Variants in RALGAPA1 observed in about 807,000 individuals in gnomAD.
The protein encoded by RALGAPA1 is ral GTPase-activating protein subunit alpha-1.
Under a neutral mutation model 269.6 loss-of-function variants are expected in RALGAPA1, and 52 were observed. The ratio of observed to expected loss-of-function variants is 0.19; its 90% CI spans 0.15 to 0.24. RALGAPA1 has a LOEUF of 0.24. Among genes scored for constraint, RALGAPA1 ranks in the 10% least tolerant of loss-of-function variants. The probability of loss-of-function intolerance (pLI) is 1.00; values close to 1 mark genes in which losing one functional copy is unlikely to be tolerated. For synonymous variants in RALGAPA1, 817 were observed against 1,008.3 expected, an observed-to-expected ratio of 0.81 and a Z score of 3.60; for missense variants, 1,917 against 3,013.9, an observed-to-expected ratio of 0.64 and a Z score of 8.52.
intron 22 of RALGAPA1, chr14:35,677,168 C>G (rs1470556498): frequency 6.6e-6 from 1 of 152,234 alleles, no homozygotes; most frequent in Non-Finnish European, 1.5e-5. Flanking sequence ...AACCTCACCT[C>G]TACAGTTAGT....
intron 14 of RALGAPA1, among the ~76,000 whole-genome samples, chr14:35,724,369 T>C (rs925618896): frequency 1.3e-5 from 2 of 152,172 alleles, no homozygotes; most frequent in African/African-American, 4.8e-5. Flanking sequence ...AGACAGCTTT[T>C]ACCCTTGACA....
At chr14:35,763,042 GAATAA>G (rs2073858734) in intron 4 of RALGAPA1, among the ~76,000 whole-genome samples, 2 of 152,082 alleles carry the variant, frequency 1.3e-5, no homozygotes, top group African/African-American at 2.4e-5. Context: ...TTTAGACTAA[GAATAA>G]AATAAAATAC....
At chr14:35,566,039 A>T (rs1421009750) in intron 39 of RALGAPA1, among the ~76,000 whole-genome samples, 2 of 152,128 alleles carry the variant, frequency 1.3e-5, no homozygotes, top group East Asian at 3.8e-4. Context: ...CAATGGTTAC[A>T]CAGAATCTGC....
At chr14:35,770,887 T>C (rs2074560151) in intron 4 of RALGAPA1, 55 bp downstream of exon 4, 1 of 653,140 alleles carries the variant, frequency 1.5e-6, no homozygotes, top group Non-Finnish European at 2.5e-6. Flanking sequence ...TTAAAGAACA[T>C]TTTTCATATA....
chr14:35,730,889 G>A (rs2070410320), intron 12 of RALGAPA1, among the ~76,000 whole-genome samples: 1 of 152,184 alleles, frequency 6.6e-6, no homozygotes, highest in African/African-American at 2.4e-5. Flanking sequence ...CACAGCTGAT[G>A]CTCTCTGGAA....
rs2077551724 is a variant in RALGAPA1 at position 35,808,711 on chromosome 14, G to GCCACCCCTCGCT, written c.106+7_106+18dup. On this transcript the variant is annotated intron_variant, in intron 1 of 41. Transcript: ENST00000680220. ...GCCGGGCAACCCAGGCCTCGGCGCTGCCACCCCTCGCTCCTCACCGATGAC... is the reference window on the plus strand; with the variant it reads ...GCCGGGCAACCCAGGCCTCGGCGCTGCCACCCCTCGCTCCACCCCTCGCTCCTCACCGATGAC... The GCCACCCCTCGCT allele has an allele frequency of 6.2e-7, 1 of 1,604,974 alleles. No individual in the cohort carries two copies. Among genetic ancestry groups the GCCACCCCTCGCT allele is most frequent in the African/African-American group, 1.3e-5 (1 of 74,798 alleles).
At chr14:35,671,358 G>A (rs370039850) in intron 26 of RALGAPA1, 31 bp downstream of exon 26, 19 of 1,541,920 alleles carry the variant, frequency 1.2e-5, no homozygotes, top group Non-Finnish European at 1.6e-5. Context: ...GCTAAAGTTT[G>A]TTATATGATA....
chr14:35,624,065 C>T (rs1395409819), intron 35 of RALGAPA1, among the ~76,000 whole-genome samples: 1 of 143,340 alleles, frequency 7.0e-6, no homozygotes, highest in Non-Finnish European at 1.5e-5. Flanking sequence ...CCAGCCTGAG[C>T]GACACAGCAA....
At chr14:35,806,699 C>T (rs759763233) in intron 1 of RALGAPA1, among the ~76,000 whole-genome samples, 6 of 152,168 alleles carry the variant, frequency 3.9e-5, no homozygotes, top group Non-Finnish European at 7.3e-5. Flanking sequence ...AATCAAAAGC[C>T]TGTGTAACTG....
rs985438147 is a variant in RALGAPA1 at position 35,703,073 on chromosome 14, T to G, written c.2267-2771A>C. ...AAATAACAACTCCTTTTTTTCTTTCTTTCCCAACACAGACTTGAAGGAAGA... is the reference window on the plus strand; with the variant it reads ...AAATAACAACTCCTTTTTTTCTTTCGTTCCCAACACAGACTTGAAGGAAGA... On this transcript the variant is annotated intron_variant, in intron 16 of 41. Transcript: ENST00000680220. 2.0e-5 allele frequency among the ~76,000 whole-genome samples: 3 copies of G among 152,364 alleles called. No homozygotes were observed. The South Asian group carries it at 6.2e-4, about 32-fold the overall frequency.
intron 41 of RALGAPA1, among the ~76,000 whole-genome samples, chr14:35,547,583 C>T (rs80304562): frequency 1.4e-3 from 208 of 152,142 alleles, no homozygotes; most frequent in African/African-American, 4.7e-3. Context: ...GACATTTTAT[C>T]GGACATTCTC....
Position 35,808,633 on chromosome 14 carries a change from G to C in RALGAPA1, c.106+97C>G, listed in dbSNP as rs1182879639. The C allele has an allele frequency of 2.2e-6, 3 of 1,354,950 alleles. No individual in the cohort carries two copies. The East Asian group carries it at 7.5e-5, about 34-fold the overall frequency. 83.9% of individuals were successfully genotyped at this position (1,354,950 alleles called of 1,614,324 possible). A position where few individuals can be genotyped will look rare whatever the true frequency, so the allele number is the denominator to read the frequency against. ...CAGAGGCTACGATTTGCCCTCTCCTGCACCGCGCCAGGTCCCGAGAGAGAG... is the reference window on the plus strand; with the variant it reads ...CAGAGGCTACGATTTGCCCTCTCCTCCACCGCGCCAGGTCCCGAGAGAGAG... On this transcript the variant is annotated intron_variant, in intron 1 of 41. Transcript: ENST00000680220.
rs371005322 is a variant in RALGAPA1 at position 35,591,288 on chromosome 14, CTATGTATGTATG to C, written c.7209+4334_7209+4345del. Among the ~76,000 whole-genome samples, 450 of 150,054 alleles carry C rather than the reference CTATGTATGTATG, an allele frequency of 3.0e-3. 1 individual carries two copies. Among genetic ancestry groups the C allele is most frequent in the Middle Eastern group, 0.02 (6 of 294 alleles). On this transcript the variant is annotated intron_variant, in intron 37 of 41. Coordinates refer to ENST00000680220, the MANE Select transcript of RALGAPA1 (RefSeq NM_001346249.2). ...GATACAGCATGTTATATTTTAAGTGCTATGTATGTATGTATGTATGTATGTATGTATGTATGT... is the reference window on the plus strand; with the variant it reads ...GATACAGCATGTTATATTTTAAGTGCTATGTATGTATGTATGTATGTATGT...
At chr14:35,753,240 C>G (rs963619307) in intron 7 of RALGAPA1, among the ~76,000 whole-genome samples, 1 of 152,130 alleles carries the variant, frequency 6.6e-6, no homozygotes, top group African/African-American at 2.4e-5. Flanking sequence ...TTTAGGACAA[C>G]CTGAGCATCA....
intron 16 of RALGAPA1, among the ~76,000 whole-genome samples, chr14:35,718,677 G>T (rs891369064): frequency 6.6e-6 from 1 of 151,922 alleles, no homozygotes; most frequent in African/African-American, 2.4e-5. Flanking sequence ...TTAGCCAGGC[G>T]TGGTGGCATG....
intron 17 of RALGAPA1, among the ~76,000 whole-genome samples, chr14:35,695,314 T>C (rs1320537963): frequency 6.6e-6 from 1 of 152,092 alleles, no homozygotes; most frequent in Non-Finnish European, 1.5e-5. Context: ...AATATCCTAT[T>C]CTACACTGAT....
chr14:35,643,540 C>T (rs1303402839), intron 31 of RALGAPA1, among the ~76,000 whole-genome samples: 1 of 152,096 alleles, frequency 6.6e-6, no homozygotes, highest in Non-Finnish European at 1.5e-5. Flanking sequence ...TAGGTATATA[C>T]CCAAATGAAA....
At position 35,797,351 on chromosome 14, in the gene RALGAPA1, C is replaced by CA. The variant is rs530576211; in HGVS notation, c.106+11378dup. Reference sequence around the variant, plus strand: ...CTGGTGACAGAGCGAGACTCCGTCTCAAAAAAAAAAAAAAAAAGATGCCAA... The same window carrying CA: ...CTGGTGACAGAGCGAGACTCCGTCTCAAAAAAAAAAAAAAAAAAGATGCCAA... On this transcript the variant is annotated intron_variant, in intron 1 of 41. Coordinates refer to ENST00000680220, the MANE Select transcript of RALGAPA1 (RefSeq NM_001346249.2). Among the ~76,000 whole-genome samples the CA allele has an allele frequency of 9.3e-3, 556 of 59,944 alleles. 14 individuals carry two copies. Among genetic ancestry groups the CA allele is most frequent in the Middle Eastern group, 0.035 (3 of 86 alleles). The allele number at this position is 59,944 out of a possible 152,430, so 39.3% of individuals were successfully genotyped here. A position where few individuals can be genotyped will look rare whatever the true frequency, so the allele number is the denominator to read the frequency against.
At chr14:35,785,457 G>C (rs1397550381) in intron 1 of RALGAPA1, among the ~76,000 whole-genome samples, 1 of 152,122 alleles carries the variant, frequency 6.6e-6, no homozygotes, top group Non-Finnish European at 1.5e-5. Context: ...TTATATACTG[G>C]AAAATGCATT....
Sources: gnomAD v4.1 joint callset for allele counts (sites outside exome capture counted in the v4.1 genomes callset) on GRCh38, gnomAD v4.1.1 for gene constraint, MANE v1.5 for transcripts, NCBI Gene and HGNC (gene_info 2026-07-23, HGNC 2026-07-21) for gene names.